Variants in USP6NL observed in about 807,000 individuals in gnomAD.
USP6NL encodes the protein USP6 N-terminal-like protein.
Under a neutral mutation model 61.9 loss-of-function variants are expected in USP6NL, and 26 were observed. That is an observed-to-expected ratio of 0.42 (90% CI 0.31 to 0.58). The LOEUF is 0.58. USP6NL is among the 20% of genes least tolerant of loss of function. The probability of loss-of-function intolerance (pLI) is 0.16; values close to 1 mark genes in which losing one functional copy is unlikely to be tolerated. For missense variants in USP6NL, 1,114 were observed against 1,034.3 expected (o/e 1.08, Z -1.06); for synonymous variants, 432 against 390.1 (o/e 1.11, Z -1.27).
In USP6NL at chr10:11,574,509, T is replaced by C. The variant is rs1206167912; in HGVS notation, c.4+23122A>G. On this transcript the variant is annotated intron_variant, in intron 2 of 14. Transcript: ENST00000609104. This position sits in a 1 kb window ranked among gnomAD's most constrained non-coding sequence, Gnocchi z 4.3. ...TAACAAATGCTGAATTAATATTTAA[T>C]ATATTTGTTATATGTTCTATTTATC... is the stretch of plus-strand genomic sequence containing the variant. 6.6e-6 allele frequency among the ~76,000 whole-genome samples: 1 copy of C among 152,226 alleles called. No homozygotes were observed. Among genetic ancestry groups the C allele is most frequent in the Admixed American group, 6.5e-5 (1 of 15,278 alleles).
intron 2 of USP6NL, among the ~76,000 whole-genome samples, chr10:11,593,582 G>A (rs1346812008): frequency 2.0e-5 from 3 of 152,134 alleles, no homozygotes; most frequent in Non-Finnish European, 4.4e-5. Context: ...AAAATCAAAA[G>A]GCTTTTTGTG....
chr10:11,470,104 G>A lies in USP6NL; in HGVS notation c.1079-6255C>T, dbSNP rs1294344514. 6.6e-6 allele frequency among the ~76,000 whole-genome samples: 1 copy of A among 152,216 alleles called. No homozygotes were observed. Among genetic ancestry groups the A allele is most frequent in the Non-Finnish European group, 1.5e-5 (1 of 68,042 alleles). On this transcript the variant is annotated intron_variant, in intron 14 of 14. Coordinates refer to ENST00000609104, the MANE Select transcript of USP6NL (RefSeq NM_014688.5). The surrounding 1 kb of genome is among the most constrained non-coding windows in gnomAD (Gnocchi z 5.4). ...AACGCTGTGCCTCTCATGAGGAGGA[G>A]AAGCAAGAAGGGGCGGAGACAGTGA...
At chr10:11,607,997 G>C (rs1374637469) in intron 1 of USP6NL, among the ~76,000 whole-genome samples, 1 of 152,158 alleles carries the variant, frequency 6.6e-6, no homozygotes, top group African/African-American at 2.4e-5. Context: ...AAACTCCAGA[G>C]TAACTCCTGA....
chr10:11,538,942 C>A (rs1281500179), intron 2 of USP6NL, among the ~76,000 whole-genome samples: 1 of 152,228 alleles, frequency 6.6e-6, no homozygotes, highest in African/African-American at 2.4e-5. Context: ...GCTGCACAGG[C>A]TCCCTTTCGT....
Position 11,489,077 on chromosome 10 carries a change from T to C in USP6NL, c.664+25A>G. On this transcript the variant is annotated intron_variant, in intron 10 of 14. Transcript: ENST00000609104. The surrounding 1 kb of genome is among the most constrained non-coding windows in gnomAD (Gnocchi z 5.7). The stretch of plus-strand genomic sequence containing the variant: ...TACTTTTTTCCCTACCTTGATTGTT[T>C]AGATAAAGCACAGGGTTTTCTTACC... 6.2e-7 allele frequency: 1 copy of C among 1,610,558 alleles called. No individual in the cohort carries two copies. The highest frequency in any genetic ancestry group is 8.5e-7 in the Non-Finnish European group (1 of 1,178,096).
intron 4 of USP6NL, among the ~76,000 whole-genome samples, chr10:11,521,982 C>T (rs1428561213): frequency 6.6e-6 from 1 of 152,192 alleles, no homozygotes; most frequent in Non-Finnish European, 1.5e-5. Flanking sequence ...CAACTTCTTC[C>T]TTAAACAAGC....
Position 11,562,528 on chromosome 10 carries a change from C to T in USP6NL, c.5-34961G>A, listed in dbSNP as rs931779372. 2 of 985,264 alleles carry T rather than the reference C, an allele frequency of 2.0e-6. No homozygotes were observed. Among genetic ancestry groups the T allele is most frequent in the Non-Finnish European group, 1.2e-6 (1 of 829,922 alleles). 61.0% of individuals were successfully genotyped at this position (985,264 alleles called of 1,614,324 possible). On this transcript the variant is annotated intron_variant, in intron 2 of 14. Coordinates refer to ENST00000609104, the MANE Select transcript of USP6NL (RefSeq NM_014688.5). The surrounding 1 kb of genome is among the most constrained non-coding windows in gnomAD (Gnocchi z 4.8). Reference sequence around the variant, plus strand: ...AAGAGCCGGGTCACTCAAGACATTGCTTGGCCACTGTGACTACTCTGAGTC... The same window carrying T: ...AAGAGCCGGGTCACTCAAGACATTGTTTGGCCACTGTGACTACTCTGAGTC...
chr10:11,585,243 T>C lies in USP6NL; in HGVS notation c.4+12388A>G, dbSNP rs1219451604. On this transcript the variant is annotated intron_variant, in intron 2 of 14. Transcript: ENST00000609104. This position sits in a 1 kb window ranked among gnomAD's most constrained non-coding sequence, Gnocchi z 4.5. Reference sequence around the variant, plus strand: ...GGAGGATATGGAGAAAATGGAATCCTTGAGCAATGTAAGCCGGTGCAACCA... The same window carrying C: ...GGAGGATATGGAGAAAATGGAATCCCTGAGCAATGTAAGCCGGTGCAACCA... Among the ~76,000 whole-genome samples, 5 of 152,166 alleles carry C rather than the reference T, an allele frequency of 3.3e-5. No individual in the cohort carries two copies. Among genetic ancestry groups the C allele is most frequent in the African/African-American group, 7.2e-5 (3 of 41,434 alleles).
At chr10:11,586,315 A>C (rs1837961241) in intron 2 of USP6NL, among the ~76,000 whole-genome samples, 1 of 152,166 alleles carries the variant, frequency 6.6e-6, no homozygotes, top group Non-Finnish European at 1.5e-5. Context: ...AGTTTAATGA[A>C]AAAACTGAGC....
chr10:11,516,399 G>A (rs969916341), intron 5 of USP6NL, among the ~76,000 whole-genome samples: 14 of 152,194 alleles, frequency 9.2e-5, no homozygotes, highest in African/African-American at 3.4e-4. Flanking sequence ...TTTTAAAAAT[G>A]TAAACTTTTT....
intron 2 of USP6NL, among the ~76,000 whole-genome samples, chr10:11,581,066 C>T (rs1346218124): frequency 1.3e-5 from 2 of 152,110 alleles, no homozygotes; most frequent in African/African-American, 2.4e-5. Context: ...TAAAGAATTA[C>T]AAACTAATAG....
Position 11,489,180 on chromosome 10 carries a change from G to GT in USP6NL, c.585dup (p.Leu196ThrfsTer22). ...TCTTCCTCGTTCATATACATGAGGAGTAAAGCTGTGATCTGGCTCATCCCC... is the reference window on the plus strand; with the variant it reads ...TCTTCCTCGTTCATATACATGAGGAGTTAAAGCTGTGATCTGGCTCATCCCC... On this transcript the variant is annotated frameshift_variant, in exon 10 of 15. Transcript: ENST00000609104. LOFTEE classifies it high-confidence loss of function. This position sits in a 1 kb window ranked among gnomAD's most constrained non-coding sequence, Gnocchi z 5.7. 1 of 1,613,928 alleles carries GT rather than the reference G, an allele frequency of 6.2e-7. No individual in the cohort carries two copies. Among genetic ancestry groups the GT allele is most frequent in the Non-Finnish European group, 8.5e-7 (1 of 1,179,840 alleles).
At position 11,595,413 on chromosome 10, in the gene USP6NL, T is replaced by C. The variant is rs913594833; in HGVS notation, c.4+2218A>G. 3.3e-5 allele frequency among the ~76,000 whole-genome samples: 5 copies of C among 152,154 alleles called. No homozygotes were observed. The highest frequency in any genetic ancestry group is 4.4e-5 in the Non-Finnish European group (3 of 68,022). The stretch of plus-strand genomic sequence containing the variant: ...AAGCCAGAGACTGGGGTGGCACTTT[T>C]CCTTAATTATGAAACTAGATTGAAA... On this transcript the variant is annotated intron_variant, in intron 2 of 14. Coordinates refer to ENST00000609104, the MANE Select transcript of USP6NL (RefSeq NM_014688.5). This position sits in a 1 kb window ranked among gnomAD's most constrained non-coding sequence, Gnocchi z 5.3.
intron 2 of USP6NL, among the ~76,000 whole-genome samples, chr10:11,543,803 G>GTTTTTT (rs781443038): frequency 1.3e-4 from 10 of 76,360 alleles, no homozygotes; most frequent in East Asian, 5.0e-4. Flanking sequence ...AAATATTTAG[G>GTTTTTT]TTTTTTTTTT....
At chr10:11,556,471 A>T (rs941223790) in intron 2 of USP6NL, among the ~76,000 whole-genome samples, 1 of 152,196 alleles carries the variant, frequency 6.6e-6, no homozygotes, top group Non-Finnish European at 1.5e-5. Flanking sequence ...ACCATGTAAA[A>T]GACAAAGGCA....
At chr10:11,483,619 GGGAGA>G (rs1352570003) in intron 13 of USP6NL, among the ~76,000 whole-genome samples, 5 of 17,298 alleles carry the variant, frequency 2.9e-4, no homozygotes, top group Admixed American at 9.7e-4. Flanking sequence ...GGGAGAGGGG[GGGAGA>G]AGGGGAGGGA....
intron 14 of USP6NL, among the ~76,000 whole-genome samples, chr10:11,480,481 T>C (rs547051196): frequency 6.6e-6 from 1 of 152,284 alleles, no homozygotes; most frequent in East Asian, 1.9e-4. Flanking sequence ...TAAATGATAG[T>C]AGAAAACAGA....
chr10:11,567,652 C>T (rs1280529616), intron 2 of USP6NL, among the ~76,000 whole-genome samples: 1 of 152,182 alleles, frequency 6.6e-6, no homozygotes, highest in African/African-American at 2.4e-5. Context: ...CAGACATAAA[C>T]ACCTACAAAC....
At chr10:11,519,801 A>G (rs976950295) in intron 4 of USP6NL, among the ~76,000 whole-genome samples, 4 of 152,238 alleles carry the variant, frequency 2.6e-5, no homozygotes, top group Non-Finnish European at 5.9e-5. Flanking sequence ...TGTCAGTAAT[A>G]TAAAAACCAC....
Sources: allele counts gnomAD v4.1 joint callset (sites outside exome capture counted in the v4.1 genomes callset), GRCh38; gene constraint gnomAD v4.1.1; non-coding constraint Gnocchi (gnomAD v3.1); transcripts MANE v1.5; gene names NCBI Gene and HGNC (gene_info 2026-07-23, HGNC 2026-07-21).